SLC24A4: variants seen among roughly 807,000 people sequenced by gnomAD.
SLC24A4 encodes the protein solute carrier family 24 member 4.
SLC24A4 carries 53 observed loss-of-function variants against 79.0 expected under a neutral mutation model. The observed-to-expected ratio is 0.67, with a 90% CI of 0.54 to 0.84. The LOEUF is 0.84. Ranked by LOEUF, SLC24A4 falls within the 40% of genes least tolerant of loss-of-function variation. The probability of loss-of-function intolerance (pLI) is 0.00; values close to 1 mark genes in which losing one functional copy is unlikely to be tolerated. For synonymous variants in SLC24A4, 323 were observed against 323.8 expected (o/e 1.00, Z 0.03); for missense variants, 731 against 822.0 (o/e 0.89, Z 1.35).
At chr14:92,465,679 T>C (rs10142040) in intron 12 of SLC24A4, among the ~76,000 whole-genome samples, 129,423 of 151,910 alleles carry the variant, frequency 0.85, 55,461 homozygotes, top group South Asian at 0.9. Context: ...ACAGGATCCC[T>C]GTGTCACTCG....
chr14:92,328,163 TG>T, intron 2 of SLC24A4, among the ~76,000 whole-genome samples: 2 of 152,328 alleles, frequency 1.3e-5, no homozygotes, highest in East Asian at 3.9e-4. Context: ...GTGGGGTCTG[TG>T]GCCAGCCTTC....
At chr14:92,399,397 G>A (rs947179319) in intron 2 of SLC24A4, among the ~76,000 whole-genome samples, 1 of 152,146 alleles carries the variant, frequency 6.6e-6, no homozygotes, top group African/African-American at 2.4e-5. Context: ...AGTAAGGGGT[G>A]AGTCAAATAT....
At chr14:92,361,762 G>A (rs1012240484) in intron 2 of SLC24A4, among the ~76,000 whole-genome samples, 8 of 152,258 alleles carry the variant, frequency 5.3e-5, no homozygotes, top group Non-Finnish European at 1.0e-4. Flanking sequence ...GGTGGGGCAG[G>A]ATGGTGGGCG....
chr14:92,484,920 A>G (rs1417008124), intron 13 of SLC24A4: 3 of 977,546 alleles, frequency 3.1e-6, no homozygotes, highest in African/African-American at 1.8e-5. Context: ...GTGATTTCTT[A>G]TAGTGCCCTT....
intron 2 of SLC24A4, among the ~76,000 whole-genome samples, chr14:92,334,883 A>ATCG (rs1555359374): frequency 3.4e-5 from 5 of 148,842 alleles, no homozygotes; most frequent in African/African-American, 1.3e-4. Flanking sequence ...CATCATCATC[A>ATCG]TCATCGTCAT....
At chr14:92,380,867 C>T (rs755354692) in intron 2 of SLC24A4, among the ~76,000 whole-genome samples, 9 of 152,166 alleles carry the variant, frequency 5.9e-5, no homozygotes, top group Non-Finnish European at 7.4e-5. Context: ...GCTGAGTGAC[C>T]GTGGACCAGG....
In SLC24A4 at chr14:92,438,609, C is replaced by A. The variant is rs144152240; in HGVS notation, c.319-726C>A. Among the ~76,000 whole-genome samples the A allele has an allele frequency of 1.6e-3, 240 of 152,176 alleles. 1 individual carries two copies. In the Middle Eastern group the frequency reaches 0.024, roughly 15 times the overall value. ...CTCCAGCCTGGGTGGCAGAGTGAGA[C>A]CCTGTCTCAAACAAAAAAGGATACA... is the stretch of plus-strand genomic sequence containing the variant. On this transcript the variant is annotated intron_variant, in intron 3 of 16. Transcript: ENST00000532405.
chr14:92,327,416 C>T (rs1016940280), intron 2 of SLC24A4, among the ~76,000 whole-genome samples: 4 of 152,120 alleles, frequency 2.6e-5, no homozygotes, highest in Non-Finnish European at 4.4e-5. Flanking sequence ...ACATGTGGGC[C>T]GACTGATATA....
chr14:92,433,300 TG>T (rs1891976359), intron 2 of SLC24A4, among the ~76,000 whole-genome samples: 1 of 152,234 alleles, frequency 6.6e-6, no homozygotes, highest in Non-Finnish European at 1.5e-5. Flanking sequence ...ACTGAGCAGA[TG>T]AGTTGCTCAG....
chr14:92,414,936 T>C (rs1890899082), intron 2 of SLC24A4, among the ~76,000 whole-genome samples: 1 of 152,216 alleles, frequency 6.6e-6, no homozygotes, highest in Non-Finnish European at 1.5e-5. Context: ...GAGGTCACCA[T>C]GTGCTCTGGA....
intron 12 of SLC24A4, among the ~76,000 whole-genome samples, chr14:92,475,656 A>G (rs1894722039): frequency 6.6e-6 from 1 of 152,196 alleles, no homozygotes; most frequent in Admixed American, 6.5e-5. Context: ...AGCACTAGCA[A>G]TGGTGTCATT....
intron 2 of SLC24A4, among the ~76,000 whole-genome samples, chr14:92,389,925 C>T (rs1168572084): frequency 2.0e-5 from 3 of 152,230 alleles, no homozygotes; most frequent in Non-Finnish European, 4.4e-5. Context: ...GCATCCTCTG[C>T]AGCTTGTTCT....
intron 2 of SLC24A4, among the ~76,000 whole-genome samples, chr14:92,369,922 A>G (rs535779099): frequency 6.6e-6 from 1 of 152,348 alleles, no homozygotes; most frequent in South Asian, 2.1e-4. Context: ...TTCTTGTCCT[A>G]AGGAGGAAAA....
At chr14:92,482,902 C>T in intron 13 of SLC24A4, 56 bp downstream of exon 13, 1 of 1,547,872 alleles carries the variant, frequency 6.5e-7, no homozygotes, top group South Asian at 1.2e-5. Context: ...AGGTGGAGAG[C>T]TGGGTTCAAG....
At chr14:92,440,986 A>G (rs1169784755) in intron 4 of SLC24A4, among the ~76,000 whole-genome samples, 2 of 152,106 alleles carry the variant, frequency 1.3e-5, no homozygotes, top group Non-Finnish European at 2.9e-5. Flanking sequence ...CTTTGGTGGC[A>G]GAGCCTCTTC....
At chr14:92,438,829 A>G (rs1464008476) in intron 3 of SLC24A4, among the ~76,000 whole-genome samples, 3 of 152,238 alleles carry the variant, frequency 2.0e-5, no homozygotes, top group East Asian at 3.9e-4. Flanking sequence ...CTGGTGATCA[A>G]TTCAACCTCC....
At chr14:92,448,781 A>G (rs948045782) in intron 9 of SLC24A4, among the ~76,000 whole-genome samples, 11 of 152,176 alleles carry the variant, frequency 7.2e-5, no homozygotes, top group Admixed American at 1.3e-4. Flanking sequence ...CTTTATTAGG[A>G]CAGGCTCCAG....
At chr14:92,449,314 A>G (rs1032925410) in intron 10 of SLC24A4, 98 bp downstream of exon 10, 72 of 936,830 alleles carry the variant, frequency 7.7e-5, no homozygotes, top group Non-Finnish European at 1.1e-4. Context: ...ACACACACAC[A>G]CACACACACC....
intron 1 of SLC24A4, among the ~76,000 whole-genome samples, chr14:92,325,141 A>G (rs1040977617): frequency 6.6e-6 from 1 of 152,196 alleles, no homozygotes; most frequent in Non-Finnish European, 1.5e-5. Context: ...AGACATCAGC[A>G]TTATAGAAGA....
Sources: allele counts gnomAD v4.1 joint callset (sites outside exome capture counted in the v4.1 genomes callset), GRCh38; gene constraint gnomAD v4.1.1; transcripts MANE v1.5; gene names NCBI Gene and HGNC (gene_info 2026-07-23, HGNC 2026-07-21).